The following ENKUR variants were observed in gnomAD, a reference collection of about 807,000 sequenced individuals.
ENKUR encodes enkurin, TRPC channel interacting protein, also known as enkurin.
Under a neutral mutation model 27.6 loss-of-function variants are expected in ENKUR, and 19 were observed. The ratio of observed to expected loss-of-function variants is 0.69; its 90% CI spans 0.48 to 1.01. The LOEUF is 1.01. ENKUR is among the 50% of genes least tolerant of loss of function. The pLI, the probability that ENKUR is intolerant of heterozygous loss-of-function variation, is 0.00. For synonymous variants in ENKUR, 117 were observed against 96.9 expected, an observed-to-expected ratio of 1.21 and a Z score of -1.22; for missense variants, 312 against 310.5, an observed-to-expected ratio of 1.00 and a Z score of -0.04.
upstream of ENKUR, chr10:25,016,578 C>T (rs939481842): frequency 1.3e-5 from 2 of 152,326 alleles, no homozygotes; most frequent in Non-Finnish European, 2.9e-5. Context: ...AAAGGAGAGT[C>T]ACGTGCCCTG....
At chr10:25,057,658 A>G (rs1851276585) in intron 2 of ENKUR, among the ~76,000 whole-genome samples, 1 of 152,134 alleles carries the variant, frequency 6.6e-6, no homozygotes, top group Non-Finnish European at 1.5e-5. Context: ...TCTGTGGGAT[A>G]AGGAAATGGT....
At chr10:25,016,263 G>T (rs907596573), upstream of ENKUR, 1 of 861,500 alleles carries the variant, frequency 1.2e-6, no homozygotes, top group Non-Finnish European at 1.4e-6. Context: ...TGCTAGAGAA[G>T]CTCATTTGGA....
At chr10:25,044,705 T>A (rs1851103584) in intron 2 of ENKUR, among the ~76,000 whole-genome samples, 1 of 152,206 alleles carries the variant, frequency 6.6e-6, no homozygotes, top group South Asian at 2.1e-4. Flanking sequence ...TTGGGTCAGG[T>A]CTTAAACTCC....
At chr10:25,045,976 C>T (rs1288609577) in intron 2 of ENKUR, among the ~76,000 whole-genome samples, 9 of 152,078 alleles carry the variant, frequency 5.9e-5, no homozygotes, top group African/African-American at 2.2e-4. Context: ...AACCTGATTT[C>T]ATAGTTCAAA....
chr10:25,060,104 TAGGAAG>T (rs1851309361), intron 2 of ENKUR, among the ~76,000 whole-genome samples: 1 of 152,094 alleles, frequency 6.6e-6, no homozygotes. Context: ...GCGGGGTGCT[TAGGAAG>T]CCTGTGAAGC....
chr10:25,049,107 C>T (rs1418094757), intron 2 of ENKUR, among the ~76,000 whole-genome samples: 2 of 152,170 alleles, frequency 1.3e-5, no homozygotes, highest in Non-Finnish European at 1.5e-5. Context: ...TGAACCTCTT[C>T]ACTTTTCATC....
intron 2 of ENKUR, chr10:25,023,401 C>A: frequency 6.2e-7 from 1 of 1,614,074 alleles, no homozygotes; most frequent in Non-Finnish European, 8.5e-7. Context: ...AAATATTATC[C>A]TGATGGGACC....
intron 3 of ENKUR, among the ~76,000 whole-genome samples, chr10:24,991,902 GA>G (rs1201577567): frequency 6.6e-6 from 1 of 152,166 alleles, no homozygotes; most frequent in East Asian, 1.9e-4. Context: ...TCGACCCATA[GA>G]CCCTGCTTTG....
In ENKUR at chr10:25,054,882, C is replaced by T. The variant is rs529452382; in HGVS notation, c.37+6230G>A. On this transcript the variant is annotated intron_variant, in intron 2 of 5. Coordinates refer to the ENKUR transcript ENST00000615958. ...GTAGAGACAGGGTCTTGCCATATTG[C>T]CAAACAGATCTCGAACTCCTGAGCT... Among the ~76,000 whole-genome samples the T allele has an allele frequency of 5.6e-4, 85 of 152,088 alleles. 1 individual carries two copies. The highest frequency in any genetic ancestry group is 2.0e-3 in the African/African-American group (81 of 41,498).
chr10:24,988,492 A>G (rs1306733124), intron 4 of ENKUR, among the ~76,000 whole-genome samples: 1 of 146,686 alleles, frequency 6.8e-6, no homozygotes, highest in East Asian at 2.0e-4. Flanking sequence ...ACGTATAAAT[A>G]GAGAATTTTG....
intron 4 of ENKUR, among the ~76,000 whole-genome samples, chr10:24,987,198 C>G (rs1201477572): frequency 6.6e-6 from 1 of 152,202 alleles, no homozygotes; most frequent in Non-Finnish European, 1.5e-5. Context: ...AGCTCCAGCT[C>G]TCACTGGATT....
chr10:25,059,392 A>G (rs569398684), intron 2 of ENKUR, among the ~76,000 whole-genome samples: 105 of 152,176 alleles, frequency 6.9e-4, no homozygotes, highest in African/African-American at 2.4e-3. Flanking sequence ...TCAGCCTCCC[A>G]AAGTGCTGGG....
intron 2 of ENKUR, chr10:25,021,874 A>G (rs1225368990): frequency 6.6e-6 from 1 of 152,220 alleles, no homozygotes; most frequent in African/African-American, 2.4e-5. Flanking sequence ...AAATAAGGAA[A>G]TGAATTACCT....
intron 3 of ENKUR, among the ~76,000 whole-genome samples, chr10:24,992,148 A>G (rs1039564881): frequency 6.6e-6 from 1 of 152,224 alleles, no homozygotes; most frequent in Non-Finnish European, 1.5e-5. Flanking sequence ...TCTTCAAAAG[A>G]TGTTTGAGAA....
intron 1 of ENKUR, among the ~76,000 whole-genome samples, 178 bp downstream of exon 1, chr10:25,015,682 G>A (rs1445219587): frequency 6.6e-6 from 1 of 152,166 alleles, no homozygotes; most frequent in Non-Finnish European, 1.5e-5. Context: ...GTAAAACTGT[G>A]AGATGCTGAA....
Position 24,990,371 on chromosome 10 carries a change from A to G in ENKUR, c.594+92T>C, listed in dbSNP as rs1588648257. The G allele has an allele frequency of 1.8e-5, 27 of 1,466,836 alleles. No individual in the cohort carries two copies. In the East Asian group the frequency reaches 6.2e-4, roughly 34 times the overall value. 90.9% of individuals were successfully genotyped at this position (1,466,836 alleles called of 1,614,324 possible). On this transcript the variant is annotated intron_variant, in intron 4 of 5. Transcript: ENST00000331161. ...GAGATTGTTCTGATTTCAAAATCCA[A>G]GTGCTGACTTTAATCATCAAAGTGA... is the stretch of plus-strand genomic sequence containing the variant.
intron 2 of ENKUR, among the ~76,000 whole-genome samples, chr10:25,043,425 C>T (rs1469191748): frequency 1.3e-5 from 2 of 152,072 alleles, no homozygotes; most frequent in Non-Finnish European, 2.9e-5. Flanking sequence ...AAAAATTAGT[C>T]ATCATTTATA....
chr10:25,023,114 C>T, intron 2 of ENKUR: 7 of 1,022,608 alleles, frequency 6.8e-6, no homozygotes, highest in Non-Finnish European at 9.9e-6. Context: ...TTTTAACAAT[C>T]TACTGTAATT....
Position 24,983,097 on chromosome 10 carries a change from C to G in ENKUR, c.*1273G>C, listed in dbSNP as rs1163423754. The G allele has an allele frequency of 3.3e-5, 5 of 152,168 alleles. No individual in the cohort carries two copies. The highest frequency in any genetic ancestry group is 1.2e-4 in the African/African-American group (5 of 41,448). 9.4% of individuals were successfully genotyped at this position (152,168 alleles called of 1,614,324 possible). On this transcript the variant is annotated 3_prime_UTR_variant, in exon 6 of 6. Transcript: ENST00000331161. ...AAGACTGCCTGGATCAACAGAGTCA[C>G]CAGACAAAAGGAGACTGGGTCCCTG... is the stretch of plus-strand genomic sequence containing the variant.
Sources: gnomAD v4.1 joint callset for allele counts (sites outside exome capture counted in the v4.1 genomes callset) on GRCh38, gnomAD v4.1.1 for gene constraint, MANE v1.5 for transcripts, NCBI Gene and HGNC (gene_info 2026-07-23, HGNC 2026-07-21) for gene names.